CERT1: variants seen among roughly 807,000 people sequenced by gnomAD.
CERT1 encodes ceramide transfer protein.
A neutral mutation model predicts 87.9 loss-of-function variants in CERT1; 31 were observed. The observed-to-expected ratio is 0.35, with a 90% CI of 0.27 to 0.48. The LOEUF (loss-of-function observed/expected upper bound fraction) is 0.48, where lower values mean the gene tolerates loss of function less well. Ranked by LOEUF, CERT1 falls within the 20% of genes least tolerant of loss-of-function variation. The pLI is 0.99. For missense variants in CERT1, 487 were observed against 758.0 expected (o/e 0.64, Z 4.20); for synonymous variants, 289 against 250.9 (o/e 1.15, Z -1.44).
rs987387710 is a variant in CERT1 at position 75,378,106 on chromosome 5, G to A, written c.*1240C>T. 3.3e-5 allele frequency: 5 copies of A among 152,114 alleles called. No individual in the cohort carries two copies. Among genetic ancestry groups the A allele is most frequent in the African/African-American group, 7.2e-5 (3 of 41,420 alleles). 9.4% of individuals were successfully genotyped at this position (152,114 alleles called of 1,614,324 possible). A position where few individuals can be genotyped will look rare whatever the true frequency, so the allele number is the denominator to read the frequency against. ...ACTTTTGGCTTTTAATCATGTTAAC[G>A]TATCACTTACTTTAAAAAGTTAAAG... On this transcript the variant is annotated 3_prime_UTR_variant, in exon 17 of 17. Coordinates refer to ENST00000643780, the MANE Select transcript of CERT1 (RefSeq NM_001379029.1).
intron 3 of CERT1, among the ~76,000 whole-genome samples, chr5:75,436,912 G>A (rs1185187230): frequency 1.3e-5 from 2 of 152,052 alleles, no homozygotes; most frequent in East Asian, 3.9e-4. Context: ...TGCATGCTGG[G>A]ACTAATGGCA....
chr5:75,465,378 G>C (rs1440260231), intron 2 of CERT1, among the ~76,000 whole-genome samples: 1 of 152,184 alleles, frequency 6.6e-6, no homozygotes, highest in African/African-American at 2.4e-5. Context: ...AATTGTCTAA[G>C]TCTAGCATCT....
intron 11 of CERT1, among the ~76,000 whole-genome samples, chr5:75,390,672 GAAGATATATATATT>G (rs779891752): frequency 1.8e-4 from 28 of 152,134 alleles, no homozygotes; most frequent in Non-Finnish European, 7.3e-5. Context: ...AGAAGAGCTG[GAAGATATATATATT>G]ATACTTCCAT....
intron 2 of CERT1, among the ~76,000 whole-genome samples, chr5:75,473,856 T>C: frequency 6.6e-6 from 1 of 152,332 alleles, no homozygotes; most frequent in South Asian, 2.1e-4. Flanking sequence ...ACATGTCAAC[T>C]TTTAAAATTA....
At chr5:75,448,878 C>A (rs548254674) in intron 3 of CERT1, among the ~76,000 whole-genome samples, 56 of 152,052 alleles carry the variant, frequency 3.7e-4, no homozygotes, top group Non-Finnish European at 5.3e-4. Context: ...TTTTTTATAA[C>A]TTGTTATCTA....
chr5:75,392,830 C>T (rs147033402), intron 11 of CERT1, among the ~76,000 whole-genome samples: 125 of 151,096 alleles, frequency 8.3e-4, no homozygotes, highest in African/African-American at 3.0e-3. Context: ...ATTGGCCGGG[C>T]GTGGTGGTGG....
chr5:75,486,797 T>C (rs1766543911), intron 2 of CERT1, among the ~76,000 whole-genome samples: 1 of 151,908 alleles, frequency 6.6e-6, no homozygotes, highest in African/African-American at 2.4e-5. Context: ...ATCTCTACAA[T>C]GAAAACTATA....
intron 3 of CERT1, among the ~76,000 whole-genome samples, chr5:75,434,611 T>C (rs1764012014): frequency 6.6e-6 from 1 of 151,940 alleles, no homozygotes; most frequent in South Asian, 2.1e-4. Context: ...TATGAATCCA[T>C]GTGGTCCACG....
intron 2 of CERT1, among the ~76,000 whole-genome samples, chr5:75,480,450 A>T (rs917425733): frequency 1.3e-5 from 2 of 152,178 alleles, no homozygotes; most frequent in African/African-American, 2.4e-5. Context: ...ATAAAATCAC[A>T]GACTAAACAC....
At position 75,382,020 on chromosome 5, in the gene CERT1, G is replaced by A; in HGVS notation, c.1546C>T (p.Pro516Ser). 6.2e-7 allele frequency: 1 copy of A among 1,613,710 alleles called. No individual in the cohort carries two copies. The highest frequency in any genetic ancestry group is 8.5e-7 in the Non-Finnish European group (1 of 1,179,674). ...VLYLSVIRKIPALTENDPETW... is the reference protein window; with the variant it reads ...VLYLSVIRKISALTENDPETW... ...TCAGGGTCATTTTCAGTCAAGGCTG[G>A]TATCTTTCGAATGACAGAAAGATAT... The change falls in exon 15 of 17, where the codon CCA becomes TCA. Residue 516 changes from proline to serine, a missense_variant. By Grantham distance (74) the Pro-to-Ser change is moderately conservative. Around this residue, in one of 8 missense-constraint regions of CERT1, gnomAD observed 147 missense variants for 200.8 expected, o/e 0.73. Coordinates refer to ENST00000643780, the MANE Select transcript of CERT1 (RefSeq NM_001379029.1).
chr5:75,398,071 TA>T (rs1335152753), intron 11 of CERT1, among the ~76,000 whole-genome samples: 1 of 152,062 alleles, frequency 6.6e-6, no homozygotes, highest in Non-Finnish European at 1.5e-5. Context: ...AAGCAAAAGG[TA>T]AAATATACTG....
Position 75,381,915 on chromosome 5 carries a change from G to A in CERT1, c.1617+34C>T, listed in dbSNP as rs1324127331. 5 of 1,580,626 alleles carry A rather than the reference G, an allele frequency of 3.2e-6. No individual in the cohort carries two copies. In the African/African-American group the frequency reaches 5.4e-5, roughly 17 times the overall value. ...CGCATTGTGTATTTAGCTTTATATTGTTTAATTATACACATTTATATACAT... is the reference window on the plus strand; with the variant it reads ...CGCATTGTGTATTTAGCTTTATATTATTTAATTATACACATTTATATACAT... On this transcript the variant is annotated intron_variant, in intron 15 of 16. Coordinates refer to ENST00000643780, the MANE Select transcript of CERT1 (RefSeq NM_001379029.1).
intron 17 of CERT1, chr5:75,369,980 A>G (rs1761026613): frequency 6.6e-6 from 1 of 152,232 alleles, no homozygotes. Flanking sequence ...AAAATCTGGA[A>G]GATCCTATAA....
intron 3 of CERT1, among the ~76,000 whole-genome samples, chr5:75,457,030 G>A (rs1765014547): frequency 6.6e-6 from 1 of 152,124 alleles, no homozygotes; most frequent in South Asian, 2.1e-4. Flanking sequence ...AGCCCTTAAA[G>A]GTCATCTCCA....
At chr5:75,493,668 G>C (rs1454090537) in intron 2 of CERT1, among the ~76,000 whole-genome samples, 3 of 151,764 alleles carry the variant, frequency 2.0e-5, no homozygotes, top group African/African-American at 7.3e-5. Flanking sequence ...TATTATACTG[G>C]ACCTTGCTTG....
chr5:75,417,179 C>G, intron 6 of CERT1, 146 bp from the exon 7 acceptor site: 3 of 614,872 alleles, frequency 4.9e-6, no homozygotes, highest in Non-Finnish European at 8.4e-6. Context: ...ATTTAAAAAT[C>G]TCCTATCCAA....
At chr5:75,407,471 T>TA (rs1762751960) in intron 8 of CERT1, among the ~76,000 whole-genome samples, 1 of 115,496 alleles carries the variant, frequency 8.7e-6, no homozygotes, top group Admixed American at 8.3e-5. Flanking sequence ...AGGAAAAAAA[T>TA]TAAAAAAAAA....
At chr5:75,474,138 G>C (rs1765848835) in intron 2 of CERT1, among the ~76,000 whole-genome samples, 1 of 152,156 alleles carries the variant, frequency 6.6e-6, no homozygotes, top group African/African-American at 2.4e-5. Context: ...ACATTGTATA[G>C]AAGAACGCTG....
At chr5:75,465,207 G>A (rs528613597) in intron 2 of CERT1, among the ~76,000 whole-genome samples, 1 of 152,228 alleles carries the variant, frequency 6.6e-6, no homozygotes, top group South Asian at 2.1e-4. Flanking sequence ...AACTTTCCCA[G>A]GTTCTACCAG....
Sources: allele counts gnomAD v4.1 joint callset (sites outside exome capture counted in the v4.1 genomes callset), GRCh38; gene constraint gnomAD v4.1.1; regional missense constraint gnomAD v4.1.1; transcripts MANE v1.5; gene names NCBI Gene and HGNC (gene_info 2026-07-23, HGNC 2026-07-21).